Variants in PDE2A observed in about 807,000 individuals in gnomAD.
The protein encoded by PDE2A is cGMP-dependent 3',5'-cyclic phosphodiesterase.
A neutral mutation model predicts 133.6 loss-of-function variants in PDE2A; 53 were observed. The ratio of observed to expected loss-of-function variants is 0.40; its 90% CI spans 0.32 to 0.50. PDE2A has a LOEUF of 0.50. Among genes scored for constraint, PDE2A ranks in the 20% least tolerant of loss-of-function variants. The pLI is 0.73. For missense variants in PDE2A, 796 were observed against 1,232.4 expected, an observed-to-expected ratio of 0.65 and a Z score of 5.30; for synonymous variants, 491 against 490.2, an observed-to-expected ratio of 1.00 and a Z score of -0.02.
chr11:72,656,266 T>C (rs1249944829), intron 1 of PDE2A, among the ~76,000 whole-genome samples: 3 of 152,168 alleles, frequency 2.0e-5, no homozygotes, highest in South Asian at 4.1e-4. Context: ...CTCAGTTTCT[T>C]CATCAGGACA....
At position 72,581,380 on chromosome 11, in the gene PDE2A, G is replaced by A; in HGVS notation, c.2022C>T (p.Asn674=). ...ACTCGAGGTAGTTGGTGAGCTCCAG[G>A]TTCTTGTAGAGCAGGTAGCAGAAGT... ...VSHFCYLLYK[N]LELTNYLEDI... is the part of the protein sequence containing the mutation. Residue 674 remains asparagine, a synonymous_variant, in exon 23 of 31, where the codon AAC becomes AAT. Coordinates refer to ENST00000334456, the MANE Select transcript of PDE2A (RefSeq NM_002599.5). The A allele has an allele frequency of 6.2e-7, 1 of 1,613,228 alleles. No individual in the cohort carries two copies. The highest frequency in any genetic ancestry group is 8.5e-7 in the Non-Finnish European group (1 of 1,179,860).
intron 2 of PDE2A, among the ~76,000 whole-genome samples, chr11:72,624,628 T>G (rs1484442443): frequency 1.3e-5 from 2 of 152,242 alleles, no homozygotes; most frequent in Non-Finnish European, 2.9e-5. Flanking sequence ...CGTTTCTGTA[T>G]TTGATTCTCA....
chr11:72,633,269 CTCA>C (rs889803793), intron 2 of PDE2A, among the ~76,000 whole-genome samples: 1 of 152,176 alleles, frequency 6.6e-6, no homozygotes, highest in Non-Finnish European at 1.5e-5. Flanking sequence ...GACTCAGCCT[CTCA>C]TCTGTCACCG....
At chr11:72,653,003 G>A (rs1043637090) in intron 1 of PDE2A, among the ~76,000 whole-genome samples, 6 of 152,330 alleles carry the variant, frequency 3.9e-5, no homozygotes, top group East Asian at 1.9e-4. Flanking sequence ...TCGCTCAATC[G>A]GCAAAGGCTC....
At chr11:72,628,037 TCTG>T (rs940625212) in intron 2 of PDE2A, among the ~76,000 whole-genome samples, 15 of 152,302 alleles carry the variant, frequency 9.8e-5, no homozygotes, top group African/African-American at 3.4e-4. Context: ...TGCTGGCAGC[TCTG>T]CTTTCTTGGC....
chr11:72,648,524 A>G (rs1348107933), intron 1 of PDE2A, among the ~76,000 whole-genome samples: 2 of 152,112 alleles, frequency 1.3e-5, no homozygotes, highest in Non-Finnish European at 2.9e-5. Flanking sequence ...TGGGGGCTGT[A>G]GGGTGGGTCA....
At chr11:72,643,835 C>T (rs889374827) in intron 1 of PDE2A, among the ~76,000 whole-genome samples, 1 of 152,200 alleles carries the variant, frequency 6.6e-6, no homozygotes, top group Non-Finnish European at 1.5e-5. Context: ...TCCATGCCAG[C>T]GTTTCTCCCA....
At chr11:72,634,705 C>G (rs1858594337) in intron 2 of PDE2A, among the ~76,000 whole-genome samples, 1 of 152,232 alleles carries the variant, frequency 6.6e-6, no homozygotes, top group African/African-American at 2.4e-5. Context: ...TGGCCTTCTG[C>G]CAGGCTGGAC....
chr11:72,621,423 T>G (rs1857763135), intron 2 of PDE2A, among the ~76,000 whole-genome samples: 1 of 152,212 alleles, frequency 6.6e-6, no homozygotes, highest in Non-Finnish European at 1.5e-5. Flanking sequence ...CTTACTCCCA[T>G]GCAGAGTCCT....
At chr11:72,617,964 C>T (rs569855191) in intron 2 of PDE2A, among the ~76,000 whole-genome samples, 8 of 152,276 alleles carry the variant, frequency 5.3e-5, no homozygotes, top group Admixed American at 2.6e-4. Flanking sequence ...GCCTGCCCTC[C>T]GGGGTCCCAG....
chr11:72,666,722 G>C (rs548707167), intron 1 of PDE2A, among the ~76,000 whole-genome samples: 2 of 152,116 alleles, frequency 1.3e-5, no homozygotes, highest in South Asian at 4.1e-4. Context: ...GGTTTCACTA[G>C]AACATATGTA....
chr11:72,584,749 T>C (rs1855885407), intron 17 of PDE2A, 21 bp from the exon 18 acceptor site: 2 of 1,611,834 alleles, frequency 1.2e-6, no homozygotes, highest in South Asian at 1.1e-5. Context: ...AGAGATGGAG[T>C]CGAGAGGAAG....
At chr11:72,584,132 G>A in intron 19 of PDE2A, 69 bp downstream of exon 19, 2 of 803,290 alleles carry the variant, frequency 2.5e-6, no homozygotes, top group South Asian at 3.1e-5. Flanking sequence ...GTCGGAGGAG[G>A]AGAACCGAGG....
At chr11:72,632,545 G>A (rs1238155977) in intron 2 of PDE2A, among the ~76,000 whole-genome samples, 1 of 152,142 alleles carries the variant, frequency 6.6e-6, no homozygotes, top group Non-Finnish European at 1.5e-5. Context: ...ACTGGCCCTG[G>A]CCTGTTCCTT....
At chr11:72,628,683 T>G (rs1459683799) in intron 2 of PDE2A, among the ~76,000 whole-genome samples, 1 of 152,174 alleles carries the variant, frequency 6.6e-6, no homozygotes, top group Non-Finnish European at 1.5e-5. Context: ...CTCAGGCTGG[T>G]TAAGTGACAG....
intron 2 of PDE2A, among the ~76,000 whole-genome samples, chr11:72,633,964 T>C (rs1398885631): frequency 1.3e-5 from 2 of 152,202 alleles, no homozygotes; most frequent in African/African-American, 4.8e-5. Flanking sequence ...CTCAGCCTAC[T>C]GTGCAGCTTT....
At chr11:72,588,685 AG>A (rs1565153937) in intron 13 of PDE2A, 98 bp downstream of exon 13, 3 of 1,173,848 alleles carry the variant, frequency 2.6e-6, no homozygotes, top group Non-Finnish European at 3.6e-6. Flanking sequence ...CTGAGACAGT[AG>A]CCCCTGCCCA....
rs1854934582 is a variant in PDE2A at position 72,657,611 on chromosome 11, G to A, written c.72-15285C>T. On this transcript the variant is annotated intron_variant, in intron 1 of 30. Transcript: ENST00000334456. Reference sequence around the variant, plus strand: ...AAGAGTGCCATGTGGTTGTCATAGCGATGCTGGATGCTGTCATCACTAATT... The same window carrying A: ...AAGAGTGCCATGTGGTTGTCATAGCAATGCTGGATGCTGTCATCACTAATT... Among the ~76,000 whole-genome samples, 4 of 152,192 alleles carry A rather than the reference G, an allele frequency of 2.6e-5. No homozygotes were observed. The South Asian group carries it at 6.2e-4, about 24-fold the overall frequency.
intron 1 of PDE2A, among the ~76,000 whole-genome samples, chr11:72,664,574 C>T (rs1418363126): frequency 3.3e-5 from 5 of 150,982 alleles, no homozygotes; most frequent in East Asian, 2.0e-4. Context: ...GGGGTTTCAC[C>T]GTGTTAGCCA....
Sources: allele counts gnomAD v4.1 joint callset (sites outside exome capture counted in the v4.1 genomes callset), GRCh38; gene constraint gnomAD v4.1.1; transcripts MANE v1.5; gene names NCBI Gene and HGNC (gene_info 2026-07-23, HGNC 2026-07-21).